CLCN5: variants seen among roughly 807,000 people sequenced by gnomAD.
The protein encoded by CLCN5 is H(+)/Cl(-) exchange transporter 5.
A neutral mutation model predicts 54.0 loss-of-function variants in CLCN5; 17 were observed. The ratio of observed to expected loss-of-function variants is 0.31; its 90% CI spans 0.22 to 0.47. CLCN5 has a LOEUF of 0.47. Ranked by LOEUF, CLCN5 falls within the 20% of genes least tolerant of loss-of-function variation. The probability of loss-of-function intolerance (pLI) is 1.00; values close to 1 mark genes in which losing one functional copy is unlikely to be tolerated. For missense variants in CLCN5, 448 were observed against 646.7 expected (o/e 0.69, Z 3.33); for synonymous variants, 222 against 233.0 (o/e 0.95, Z 0.43).
At chrX:49,959,813 C>G (rs1028507399) in intron 3 of CLCN5, among the ~76,000 whole-genome samples, 17 of 111,145 alleles carry the variant, frequency 1.5e-4, no homozygotes, top group African/African-American at 5.2e-4. Context: ...CCAGTAGCCT[C>G]CCTGATGCAT....
intron 3 of CLCN5, among the ~76,000 whole-genome samples, chrX:50,037,803 G>A (rs1449723336): frequency 8.9e-6 from 1 of 112,243 alleles, no homozygotes; most frequent in Non-Finnish European, 1.9e-5. Context: ...TTTTACATGT[G>A]TAAATATTGA....
intron 3 of CLCN5, chrX:50,009,597 A>G (rs782021391): frequency 3.0e-5 from 10 of 333,489 alleles, no homozygotes; most frequent in Non-Finnish European, 5.9e-5. Context: ...TACATATGCT[A>G]TCCCTGAGGA....
intron 3 of CLCN5, among the ~76,000 whole-genome samples, chrX:49,980,506 GA>G (rs1326215813): frequency 9.9e-5 from 11 of 111,595 alleles, no homozygotes; most frequent in South Asian, 3.7e-4. Context: ...GACTAAAAAT[GA>G]ATCTGAAATT....
intron 9 of CLCN5, 53 bp downstream of exon 9, chrX:50,081,900 C>T (rs1188103183): frequency 3.8e-6 from 4 of 1,045,641 alleles, no homozygotes; most frequent in African/African-American, 1.9e-5. Flanking sequence ...ATAAATGATA[C>T]AATCTTAGGG....
chrX:50,066,719 A>G (rs1933037860), intron 4 of CLCN5, among the ~76,000 whole-genome samples: 1 of 112,176 alleles, frequency 8.9e-6, no homozygotes, highest in African/African-American at 3.2e-5. Context: ...AGGCTAAAAT[A>G]GCTACTTTCA....
chrX:50,016,733 TC>T (rs1373120402), intron 3 of CLCN5, among the ~76,000 whole-genome samples: 2 of 108,014 alleles, frequency 1.9e-5, no homozygotes, highest in Admixed American at 1.0e-4. Context: ...TGCCTATTTA[TC>T]CCCCCTCCCC....
intron 14 of CLCN5, 87 bp downstream of exon 14, chrX:50,090,973 T>A: frequency 1.3e-6 from 1 of 784,711 alleles, no homozygotes; most frequent in Middle Eastern, 3.2e-4. Context: ...AGAACCCAGT[T>A]TAAATGAACA....
intron 4 of CLCN5, among the ~76,000 whole-genome samples, chrX:50,051,538 T>G (rs1476446119): frequency 8.9e-6 from 1 of 112,313 alleles, no homozygotes; most frequent in Non-Finnish European, 1.9e-5. Context: ...AATCAGTTTA[T>G]TGTAGCTGCA....
chrX:49,923,912 A>C (rs1247535240), intron 2 of CLCN5, among the ~76,000 whole-genome samples: 6 of 112,571 alleles, frequency 5.3e-5, no homozygotes, highest in Non-Finnish European at 1.1e-4. Context: ...TAGCACTTTC[A>C]CTTAGGAGGT....
In CLCN5 at chrX:50,042,408, G is replaced by A. The variant is rs1557187293; in HGVS notation, c.109G>A (p.Ala37Thr). 2.6e-6 allele frequency: 3 copies of A among 1,151,195 alleles called. No homozygotes were observed. Among genetic ancestry groups the A allele is most frequent in the South Asian group, 2.0e-5 (1 of 48,839 alleles). The allele number at this position is 1,151,195 out of a possible 1,213,427, so 94.9% of individuals were successfully genotyped here. ...AGACCTGATGGACATTCCAGCAACC[G>A]CTATGGATTTCTCCATGAGAGATGA... ...DEDLMDIPAT[A>T]MDFSMRDDVP... The change falls in exon 4 of 15, where the codon GCT (alanine) becomes ACT (threonine). Residue 37 changes from alanine (A) to threonine (T), a missense_variant. Coordinates refer to ENST00000376091, the MANE Select transcript of CLCN5 (RefSeq NM_001127898.4).
intron 3 of CLCN5, among the ~76,000 whole-genome samples, chrX:49,991,793 G>A (rs782342883): frequency 1.8e-5 from 2 of 112,119 alleles, no homozygotes; most frequent in East Asian, 2.8e-4. Context: ...GAAGACACCC[G>A]TGTATCCAAG....
intron 3 of CLCN5, among the ~76,000 whole-genome samples, chrX:49,998,346 A>G (rs1461465246): frequency 2.7e-5 from 3 of 111,615 alleles, no homozygotes. Flanking sequence ...ATGCACAGGA[A>G]TATATACTTA....
rs148124447 is a variant in CLCN5 at position 50,088,775 on chromosome X, G to T, written c.1635G>T (p.Gln545His). The change falls in exon 12 of 15, where the codon CAG (glutamine) becomes CAT (histidine). Residue 545 changes from glutamine to histidine, a missense_variant. Coordinates refer to ENST00000376091, the MANE Select transcript of CLCN5 (RefSeq NM_001127898.4). Reference protein sequence around the residue: ...AGRLLGVGMEQLAYYHQEWTV... With the variant: ...AGRLLGVGMEHLAYYHQEWTV... ...GACTTCTAGGAGTAGGAATGGAACAGCTGGCTTATTACCACCAGGAATGGA... is the reference window on the plus strand; with the variant it reads ...GACTTCTAGGAGTAGGAATGGAACATCTGGCTTATTACCACCAGGAATGGA... The T allele has an allele frequency of 2.2e-5, 27 of 1,209,796 alleles. No homozygotes were observed. In the African/African-American group the frequency reaches 4.4e-4, roughly 20 times the overall value.
intron 5 of CLCN5, 99 bp from the exon 6 acceptor site, chrX:50,072,390 A>C (rs782011716): frequency 7.4e-5 from 46 of 622,365 alleles, no homozygotes; most frequent in Non-Finnish European, 1.6e-5. Flanking sequence ...ATTGGTCTCT[A>C]TTCTCCAGTG....
chrX:50,014,285 C>G (rs1930670826), intron 3 of CLCN5, among the ~76,000 whole-genome samples: 1 of 111,529 alleles, frequency 9.0e-6, no homozygotes, highest in African/African-American at 3.3e-5. Flanking sequence ...CCTCTCCTTC[C>G]CCTCTACCTC....
chrX:50,046,484 T>TGGAC (rs1557187773), intron 4 of CLCN5, among the ~76,000 whole-genome samples: 1 of 111,646 alleles, frequency 9.0e-6, no homozygotes, highest in East Asian at 2.8e-4. Flanking sequence ...AGAGAGCCTT[T>TGGAC]TATATTCAAG....
chrX:50,075,683 T>TA (rs1933375099), intron 6 of CLCN5, 112 bp from the exon 7 acceptor site: 1 of 649,213 alleles, frequency 1.5e-6, no homozygotes, highest in African/African-American at 2.2e-5. Flanking sequence ...GCTTATCTGT[T>TA]ACTTTGATTC....
chrX:50,039,973 G>A (rs1218259214), intron 3 of CLCN5, among the ~76,000 whole-genome samples: 3 of 112,130 alleles, frequency 2.7e-5, no homozygotes, highest in African/African-American at 9.7e-5. Flanking sequence ...GATTACAGGT[G>A]TGATCCACCA....
chrX:50,004,224 G>A (rs1222016228), intron 3 of CLCN5, among the ~76,000 whole-genome samples: 1 of 111,871 alleles, frequency 8.9e-6, no homozygotes, highest in Non-Finnish European at 1.9e-5. Context: ...CTGTGTGTTG[G>A]GTACTCCCCT....
Sources: gnomAD v4.1 joint callset for allele counts (sites outside exome capture counted in the v4.1 genomes callset) on GRCh38, gnomAD v4.1.1 for gene constraint, MANE v1.5 for transcripts, NCBI Gene and HGNC (gene_info 2026-07-23, HGNC 2026-07-21) for gene names.